Variants in KCNIP3 observed in about 807,000 individuals in gnomAD.
The protein encoded by KCNIP3 is calsenilin.
KCNIP3 carries 28 observed loss-of-function variants against 35.0 expected under a neutral mutation model. The observed-to-expected ratio is 0.80, with a 90% CI of 0.59 to 1.10. The LOEUF (loss-of-function observed/expected upper bound fraction) is 1.10. Ranked by LOEUF, KCNIP3 falls within the 50% of genes least tolerant of loss-of-function variation. The pLI is 0.00. For missense variants in KCNIP3, 295 were observed against 338.4 expected, an observed-to-expected ratio of 0.87 and a Z score of 1.01; for synonymous variants, 134 against 133.8, an observed-to-expected ratio of 1.00 and a Z score of -0.01.
chr2:95,373,092 C>T (rs544561620), intron 2 of KCNIP3, among the ~76,000 whole-genome samples: 1 of 152,304 alleles, frequency 6.6e-6, no homozygotes, highest in South Asian at 2.1e-4. Context: ...GCAGCCAGCA[C>T]CAGAGTACCA....
At chr2:95,379,800 C>T (rs1240212711) in intron 5 of KCNIP3, among the ~76,000 whole-genome samples, 2 of 152,160 alleles carry the variant, frequency 1.3e-5, no homozygotes, top group East Asian at 3.9e-4. Flanking sequence ...TGATGGGTCC[C>T]GATTTTGCTT....
At chr2:95,366,676 C>T (rs929892294) in intron 2 of KCNIP3, among the ~76,000 whole-genome samples, 1 of 152,180 alleles carries the variant, frequency 6.6e-6, no homozygotes, top group Non-Finnish European at 1.5e-5. Context: ...CTGCATCCCC[C>T]CACTGCAAGC....
At chr2:95,297,595 C>T (rs1489349751) in intron 1 of KCNIP3, 142 bp downstream of exon 1, 1 of 713,070 alleles carries the variant, frequency 1.4e-6, no homozygotes, top group South Asian at 1.9e-5. Context: ...GGAAAGTGAG[C>T]GTTGGGGCGT....
chr2:95,315,180 G>C (rs888310425), intron 2 of KCNIP3, among the ~76,000 whole-genome samples: 1 of 152,172 alleles, frequency 6.6e-6, no homozygotes, highest in African/African-American at 2.4e-5. Flanking sequence ...CACACCCAGA[G>C]TGACCATCAC....
At chr2:95,325,673 A>C (rs1254297521) in intron 2 of KCNIP3, among the ~76,000 whole-genome samples, 1 of 147,596 alleles carries the variant, frequency 6.8e-6, no homozygotes, top group Non-Finnish European at 1.5e-5. Flanking sequence ...ACTCATACAC[A>C]TACACACTCA....
At chr2:95,359,392 T>C (rs1454018705) in intron 2 of KCNIP3, among the ~76,000 whole-genome samples, 1 of 152,038 alleles carries the variant, frequency 6.6e-6, no homozygotes, top group Non-Finnish European at 1.5e-5. Context: ...CCCAAGTACG[T>C]CCAAAACCAA....
intron 2 of KCNIP3, among the ~76,000 whole-genome samples, chr2:95,326,811 T>C (rs1558764486): frequency 1.3e-5 from 2 of 152,212 alleles, no homozygotes; most frequent in Non-Finnish European, 2.9e-5. Flanking sequence ...GACCTGGCTC[T>C]GCCCACATGG....
intron 2 of KCNIP3, among the ~76,000 whole-genome samples, chr2:95,363,064 T>C (rs374806621): frequency 2.0e-4 from 30 of 152,342 alleles, no homozygotes; most frequent in African/African-American, 7.0e-4. Flanking sequence ...CTCTACGCTA[T>C]CTTCTTCTAT....
rs576278272 is a variant in KCNIP3, at chr2:95,328,856, C to T, written c.181+18336C>T. ...GATGTCTTTCAGTTCTAGCTGCCTC[C>T]GAGCTCTGGCCTTTGCTGGGCCTTA... is the stretch of plus-strand genomic sequence containing the variant. On this transcript the variant is annotated intron_variant, in intron 2 of 8. Transcript: ENST00000295225. Among the ~76,000 whole-genome samples, 9 of 152,360 alleles carry T rather than the reference C, an allele frequency of 5.9e-5. No individual in the cohort carries two copies. In the South Asian group the frequency reaches 8.3e-4, roughly 14 times the overall value.
At position 95,384,255 on chromosome 2, in the gene KCNIP3, G is replaced by A; in HGVS notation, c.*206G>A. ...GGGACAGAGTTCAGGGAGGGGCTGA[G>A]TCTGGCTAGGGGCCGAGTCCAGGAG... On this transcript the variant is annotated 3_prime_UTR_variant, in exon 9 of 9. Coordinates refer to ENST00000295225, the MANE Select transcript of KCNIP3 (RefSeq NM_013434.5). 1.7e-6 allele frequency: 1 copy of A among 586,734 alleles called. No homozygotes were observed. The highest frequency in any genetic ancestry group is 3.1e-6 in the Non-Finnish European group (1 of 327,868). The allele number at this position is 586,734 out of a possible 1,614,324, so 36.3% of individuals were successfully genotyped here.
intron 2 of KCNIP3, among the ~76,000 whole-genome samples, chr2:95,330,082 G>A (rs1204061631): frequency 6.6e-6 from 1 of 152,234 alleles, no homozygotes. Context: ...GCCAGCTGCC[G>A]CAGCAGAAGT....
chr2:95,325,666 CAT>C (rs1184422091), intron 2 of KCNIP3, among the ~76,000 whole-genome samples: 39 of 147,600 alleles, frequency 2.6e-4, no homozygotes, highest in African/African-American at 9.3e-4. Context: ...GATACACACT[CAT>C]ACACATACAC....
At chr2:95,369,753 C>T (rs1679998655) in intron 2 of KCNIP3, among the ~76,000 whole-genome samples, 1 of 152,106 alleles carries the variant, frequency 6.6e-6, no homozygotes, top group Non-Finnish European at 1.5e-5. Flanking sequence ...ACCTTAGCCT[C>T]CCAAGCAGCT....
chr2:95,315,730 A>G (rs1291456574), intron 2 of KCNIP3, among the ~76,000 whole-genome samples: 1 of 142,212 alleles, frequency 7.0e-6, no homozygotes, highest in Non-Finnish European at 1.5e-5. Context: ...TCTATAAGTC[A>G]CCTCCGAAAG....
At chr2:95,363,294 T>C (rs1248617516) in intron 2 of KCNIP3, among the ~76,000 whole-genome samples, 1 of 152,220 alleles carries the variant, frequency 6.6e-6, no homozygotes, top group East Asian at 1.9e-4. Flanking sequence ...CATTTGCATG[T>C]GGGATATGGA....
At chr2:95,352,619 G>A (rs1206303311) in intron 2 of KCNIP3, among the ~76,000 whole-genome samples, 1 of 151,688 alleles carries the variant, frequency 6.6e-6, no homozygotes, top group Non-Finnish European at 1.5e-5. Context: ...TCACAGTGCT[G>A]TGTCCCCACA....
chr2:95,367,864 C>T lies in KCNIP3; in HGVS notation c.182-6432C>T, dbSNP rs549853593. Among the ~76,000 whole-genome samples, 9 of 151,152 alleles carry T rather than the reference C, an allele frequency of 6.0e-5. No individual in the cohort carries two copies. In the South Asian group the frequency reaches 1.7e-3, roughly 28 times the overall value. On this transcript the variant is annotated intron_variant, in intron 2 of 8. Coordinates refer to ENST00000295225, the MANE Select transcript of KCNIP3 (RefSeq NM_013434.5). The stretch of plus-strand genomic sequence containing the variant: ...GCAACCTCTGCCTCCCAGGTTCAAG[C>T]GATTCTCCTGTCTTAGCCTCCCGAG...
rs1421118710 is a variant in KCNIP3, at chr2:95,378,827, TAC to T, written c.448-2763_448-2762del. On this transcript the variant is annotated intron_variant, in intron 5 of 8. Coordinates refer to ENST00000295225, the MANE Select transcript of KCNIP3 (RefSeq NM_013434.5). This position sits in a 1 kb window ranked among gnomAD's most constrained non-coding sequence, Gnocchi z 4.0. ...ATATATACACACACACACACATATA[TAC>T]ACACATATTTATATACACATATATA... is the stretch of plus-strand genomic sequence containing the variant. Among the ~76,000 whole-genome samples the T allele has an allele frequency of 6.6e-6, 1 of 150,858 alleles. No homozygotes were observed. Among genetic ancestry groups the T allele is most frequent in the Non-Finnish European group, 1.5e-5 (1 of 67,752 alleles).
intron 2 of KCNIP3, among the ~76,000 whole-genome samples, chr2:95,321,635 G>A (rs111505875): frequency 2.3e-4 from 35 of 152,354 alleles, no homozygotes; most frequent in African/African-American, 8.2e-4. Flanking sequence ...ACTAACGAAC[G>A]ACAGAGCTGA....
Sources: gnomAD v4.1 joint callset for allele counts (sites outside exome capture counted in the v4.1 genomes callset) on GRCh38, gnomAD v4.1.1 for gene constraint, Gnocchi (gnomAD v3.1) non-coding constraint, MANE v1.5 for transcripts, NCBI Gene and HGNC (gene_info 2026-07-23, HGNC 2026-07-21) for gene names.